MBTD1: variants seen among roughly 807,000 people sequenced by gnomAD.
The protein encoded by MBTD1 is mbt domain containing 1, also known as MBT domain-containing protein 1.
MBTD1 carries 24 observed loss-of-function variants against 87.8 expected under a neutral mutation model. The ratio of observed to expected loss-of-function variants is 0.27; its 90% CI spans 0.20 to 0.38. MBTD1 has a LOEUF of 0.38. Ranked by LOEUF, MBTD1 falls within the 10% of genes least tolerant of loss-of-function variation. The pLI, the probability that MBTD1 is intolerant of heterozygous loss-of-function variation, is 1.00. For synonymous variants in MBTD1, 237 were observed against 248.6 expected, an observed-to-expected ratio of 0.95 and a Z score of 0.44; for missense variants, 436 against 760.2, an observed-to-expected ratio of 0.57 and a Z score of 5.02.
At chr17:51,237,999 C>T (rs1292485559) in intron 2 of MBTD1, among the ~76,000 whole-genome samples, 3 of 152,224 alleles carry the variant, frequency 2.0e-5, no homozygotes, top group South Asian at 2.1e-4. Flanking sequence ...CTAAGCCAGA[C>T]CCAAAAACGT....
chr17:51,260,546 G>C (rs769939760), upstream of MBTD1: 3 of 1,587,286 alleles, frequency 1.9e-6, no homozygotes, highest in Admixed American at 1.8e-5. Flanking sequence ...GCGCAGCGAG[G>C]TTCCACGTGA....
rs2050214613 is a variant in MBTD1 at position 51,179,498 on chromosome 17, A to ATATATATATATT, written c.*1077_*1078insAATATATATATA. 2 of 58,434 alleles carry ATATATATATATT rather than the reference A, an allele frequency of 3.4e-5. No individual in the cohort carries two copies. The highest frequency in any genetic ancestry group is 4.0e-5 in the Non-Finnish European group (1 of 25,306). The allele number at this position is 58,434 out of a possible 1,614,324, so 3.6% of individuals were successfully genotyped here. A position where few individuals can be genotyped will look rare whatever the true frequency, so the allele number is the denominator to read the frequency against. On this transcript the variant is annotated 3_prime_UTR_variant, in exon 17 of 17. Coordinates refer to ENST00000586178, the MANE Select transcript of MBTD1 (RefSeq NM_017643.3). ...TAAAGACAATTTTATATATATATAT[A>ATATATATATATT]TATATATATATATATATATATATAT... is the stretch of plus-strand genomic sequence containing the variant.
chr17:51,207,229 C>G (rs549153947), intron 6 of MBTD1, among the ~76,000 whole-genome samples: 2 of 152,126 alleles, frequency 1.3e-5, no homozygotes, highest in African/African-American at 2.4e-5. Context: ...ACTTCAAAAT[C>G]TGATACTGTC....
intron 6 of MBTD1, among the ~76,000 whole-genome samples, chr17:51,217,080 T>C (rs2052613189): frequency 6.6e-6 from 1 of 152,078 alleles, no homozygotes; most frequent in South Asian, 2.1e-4. Flanking sequence ...AAAATTAGTA[T>C]TTATAAGAGA....
intron 10 of MBTD1, 143 bp downstream of exon 10, chr17:51,202,558 C>A: frequency 1.5e-6 from 1 of 655,958 alleles, no homozygotes; most frequent in Non-Finnish European, 2.7e-6. Flanking sequence ...ATGGTGTGAA[C>A]CTTCACTAAT....
intron 6 of MBTD1, among the ~76,000 whole-genome samples, chr17:51,212,003 G>A (rs1336720205): frequency 1.3e-5 from 2 of 152,108 alleles, no homozygotes; most frequent in East Asian, 3.8e-4. Flanking sequence ...TATAGGTCAG[G>A]CAAAAGAAAG....
At position 51,179,669 on chromosome 17, in the gene MBTD1, T is replaced by TA; in HGVS notation, c.*906dup. The TA allele has an allele frequency of 6.6e-6, 1 of 151,602 alleles. No individual in the cohort carries two copies. Among genetic ancestry groups the TA allele is most frequent in the African/African-American group, 2.4e-5 (1 of 41,400 alleles). The allele number at this position is 151,602 out of a possible 1,614,324, so 9.4% of individuals were successfully genotyped here. On this transcript the variant is annotated 3_prime_UTR_variant, in exon 17 of 17. Coordinates refer to ENST00000586178, the MANE Select transcript of MBTD1 (RefSeq NM_017643.3). The stretch of plus-strand genomic sequence containing the variant: ...TGAATAACTTTCAATTCGATTCTCC[T>TA]AATACAGAACATCTGTTTTTGGTTG...
intron 2 of MBTD1, among the ~76,000 whole-genome samples, chr17:51,246,336 T>C (rs1416607126): frequency 1.3e-5 from 2 of 152,230 alleles, no homozygotes; most frequent in Non-Finnish European, 2.9e-5. Context: ...CTATCTCAGT[T>C]GCCTATGTGG....
At chr17:51,252,423 T>C (rs2054841401) in intron 2 of MBTD1, among the ~76,000 whole-genome samples, 2 of 152,166 alleles carry the variant, frequency 1.3e-5, no homozygotes, top group Non-Finnish European at 2.9e-5. Context: ...ATGAACATTT[T>C]GCTCTTCAAA....
chr17:51,216,172 T>C (rs900939805), intron 6 of MBTD1, among the ~76,000 whole-genome samples: 1 of 152,176 alleles, frequency 6.6e-6, no homozygotes, highest in Admixed American at 6.5e-5. Flanking sequence ...CCTCAGGTGA[T>C]ATGCCTGCTT....
At chr17:51,250,949 C>CATT (rs1268249180) in intron 2 of MBTD1, 1 of 152,164 alleles carries the variant, frequency 6.6e-6, no homozygotes, top group Non-Finnish European at 1.5e-5. Context: ...GTTAAAACTT[C>CATT]ATTATTGGTT....
At chr17:51,251,589 T>G (rs987165460) in intron 2 of MBTD1, 1 of 152,184 alleles carries the variant, frequency 6.6e-6, no homozygotes, top group Admixed American at 6.5e-5. Flanking sequence ...TTCAGTAAAT[T>G]TGTCAAGCCT....
intron 2 of MBTD1, among the ~76,000 whole-genome samples, chr17:51,239,406 A>G (rs2054037820): frequency 6.6e-6 from 1 of 152,222 alleles, no homozygotes; most frequent in South Asian, 2.1e-4. Flanking sequence ...TTATAAATTT[A>G]TAAGTTACAA....
intron 16 of MBTD1, among the ~76,000 whole-genome samples, chr17:51,189,988 C>T (rs1405826918): frequency 1.3e-5 from 2 of 152,192 alleles, no homozygotes; most frequent in East Asian, 1.9e-4. Context: ...GGTCAAGAGA[C>T]AGGCCTGTAG....
intron 5 of MBTD1, among the ~76,000 whole-genome samples, chr17:51,218,055 A>ATGT (rs2052671211): frequency 6.6e-6 from 1 of 152,136 alleles, no homozygotes; most frequent in South Asian, 2.1e-4. Flanking sequence ...AGTTCTTGCC[A>ATGT]TGTACCTCAG....
chr17:51,196,295 C>G (rs1277362223), intron 12 of MBTD1, among the ~76,000 whole-genome samples: 1 of 150,876 alleles, frequency 6.6e-6, no homozygotes, highest in Non-Finnish European at 1.5e-5. Context: ...TCAATCTCGG[C>G]TCACTGCAAC....
intron 16 of MBTD1, chr17:51,184,582 T>C (rs2050452463): frequency 6.6e-6 from 1 of 152,218 alleles, no homozygotes. Context: ...TCACATAGGA[T>C]GCCAGGTAGT....
At position 51,260,049 on chromosome 17, in the gene MBTD1, T is replaced by A. The variant is rs1325056658; in HGVS notation, c.-327A>T. 2.5e-6 allele frequency: 1 copy of A among 398,944 alleles called. No homozygotes were observed. Among genetic ancestry groups the A allele is most frequent in the Non-Finnish European group, 4.3e-6 (1 of 230,726 alleles). 24.7% of individuals were successfully genotyped at this position (398,944 alleles called of 1,614,324 possible). A position where few individuals can be genotyped will look rare whatever the true frequency, so the allele number is the denominator to read the frequency against. Reference sequence around the variant, plus strand: ...GGTGGCCCCAGGATATCAACAACATTAGCATAGCCCTCCCTCCCCAGCGCG... The same window carrying A: ...GGTGGCCCCAGGATATCAACAACATAAGCATAGCCCTCCCTCCCCAGCGCG... On this transcript the variant is annotated 5_prime_UTR_variant, in exon 1 of 17. Transcript: ENST00000586178.
In MBTD1 at chr17:51,192,262, G is replaced by A; in HGVS notation, c.1709C>T (p.Ser570Leu). Reference sequence around the variant, plus strand: ...CTTTTTCTTCTGTTTTGATGAAGCTGATTGGTTTTCTCTTGATGCTGAAAA... The same window carrying A: ...CTTTTTCTTCTGTTTTGATGAAGCTAATTGGTTTTCTCTTGATGCTGAAAA... ...PASQSSRENQ[S>L]ASSKQKKKAK... Residue 570 changes from serine to leucine, a missense_variant, in exon 16 of 17, where the codon TCA becomes TTA. Transcript: ENST00000586178. 1.3e-6 allele frequency: 2 copies of A among 1,551,034 alleles called. No individual in the cohort carries two copies. The highest frequency in any genetic ancestry group is 1.2e-5 in the South Asian group (1 of 84,032).
Sources: gnomAD v4.1 joint callset for allele counts (sites outside exome capture counted in the v4.1 genomes callset) on GRCh38, gnomAD v4.1.1 for gene constraint, MANE v1.5 for transcripts, NCBI Gene and HGNC (gene_info 2026-07-23, HGNC 2026-07-21) for gene names.